The following RAB3GAP1 variants were observed in gnomAD, a reference collection of about 807,000 sequenced individuals.
The protein encoded by RAB3GAP1 is rab3 GTPase-activating protein catalytic subunit.
A neutral mutation model predicts 130.7 loss-of-function variants in RAB3GAP1; 86 were observed. The ratio of observed to expected loss-of-function variants is 0.66; its 90% confidence interval spans 0.55 to 0.79. The LOEUF (loss-of-function observed/expected upper bound fraction) is 0.79, where lower values mean the gene tolerates loss of function less well. RAB3GAP1 is among the 30% of genes least tolerant of loss of function. RAB3GAP1 has a pLI of 0.00. For synonymous variants in RAB3GAP1, 367 were observed against 401.7 expected, an observed-to-expected ratio of 0.91 and a Z score of 1.03; for missense variants, 1,029 against 1,169.4, an observed-to-expected ratio of 0.88 and a Z score of 1.75.
chr2:135,174,329 C>T (rs531713618), downstream of RAB3GAP1, among the ~76,000 whole-genome samples: 5 of 152,290 alleles, frequency 3.3e-5, no homozygotes, highest in Admixed American at 2.0e-4. Flanking sequence ...ATGACAGGAG[C>T]GCTGTGTGAC....
chr2:135,165,035 GAATGGAGTTC>G (rs1692594280), intron 23 of RAB3GAP1: 1 of 418,984 alleles, frequency 2.4e-6, no homozygotes, highest in Non-Finnish European at 4.7e-6. Context: ...TTTCAAATGA[GAATGGAGTTC>G]AGTTTTACCA....
In RAB3GAP1 at chr2:135,057,624, G is replaced by A. The variant is rs188421569; in HGVS notation, c.75-387G>A. Among the ~76,000 whole-genome samples, 537 of 152,226 alleles carry A rather than the reference G, an allele frequency of 3.5e-3. 2 individuals are homozygous for A. Among genetic ancestry groups the A allele is most frequent in the Non-Finnish European group, 4.1e-3 (279 of 68,006 alleles). ...CAACCTCAGGGTTAGGAATTCAAAG[G>A]GCTGGAATTACAGGCATGAGCCACT... On this transcript the variant is annotated intron_variant, in intron 2 of 23. Coordinates refer to ENST00000264158, the MANE Select transcript of RAB3GAP1 (RefSeq NM_012233.3).
At chr2:135,079,121 A>C (rs906933205) in intron 3 of RAB3GAP1, among the ~76,000 whole-genome samples, 1 of 152,014 alleles carries the variant, frequency 6.6e-6, no homozygotes, top group African/African-American at 2.4e-5. Flanking sequence ...TGCCTGCCTC[A>C]GCCTCCCACA....
At chr2:135,093,383 T>C (rs1457666007) in intron 4 of RAB3GAP1, among the ~76,000 whole-genome samples, 1 of 152,034 alleles carries the variant, frequency 6.6e-6, no homozygotes, top group Non-Finnish European at 1.5e-5. Context: ...AGCAAAAAAA[T>C]ATTTTAAACA....
rs1692795019 is a variant in RAB3GAP1, at chr2:135,169,844, G to A, written c.*1063G>A. ...GTGTCTGTGTGGCTAGATGGCCTCT[G>A]CTTGGTAATCTTATTTTTAGGCCTA... On this transcript the variant is annotated 3_prime_UTR_variant, in exon 24 of 24. Coordinates refer to ENST00000264158, the MANE Select transcript of RAB3GAP1 (RefSeq NM_012233.3). 4.7e-6 allele frequency: 2 copies of A among 421,416 alleles called. No homozygotes were observed. Among genetic ancestry groups the A allele is most frequent in the South Asian group, 3.4e-5 (2 of 58,558 alleles). 26.1% of individuals were successfully genotyped at this position (421,416 alleles called of 1,614,324 possible).
chr2:135,128,124 T>G (rs1026198012), intron 11 of RAB3GAP1, among the ~76,000 whole-genome samples: 1 of 152,244 alleles, frequency 6.6e-6, no homozygotes. Context: ...CATATGCTAT[T>G]TGTCAAATGC....
chr2:135,067,775 A>G (rs548485500), intron 3 of RAB3GAP1, among the ~76,000 whole-genome samples: 2 of 152,342 alleles, frequency 1.3e-5, no homozygotes, highest in South Asian at 4.1e-4. Flanking sequence ...TACCCACGCT[A>G]GAGTGCGGTG....
chr2:135,055,928 C>G (rs1688995774), intron 2 of RAB3GAP1, among the ~76,000 whole-genome samples: 2 of 151,888 alleles, frequency 1.3e-5, no homozygotes, highest in South Asian at 2.1e-4. Context: ...GCTCTGCCTC[C>G]CAGGTTTACG....
chr2:135,168,636 C>G lies in RAB3GAP1; in HGVS notation c.2801C>G (p.Pro934Arg), dbSNP rs760417273. ...RQNSVSDFPP[P>R]AGREFILRTT... Reference sequence around the variant, plus strand: ...AACTCCGTGTCAGACTTCCCACCCCCTGCTGGCCGGGAATTCATTTTGCGC... The same window carrying G: ...AACTCCGTGTCAGACTTCCCACCCCGTGCTGGCCGGGAATTCATTTTGCGC... The change falls in exon 24 of 24, where the codon CCT (proline) becomes CGT (arginine). Residue 934 changes from proline to arginine, a missense_variant. Pro to Arg is a moderately radical substitution (Grantham distance 103). Transcript: ENST00000264158. 4 of 1,614,102 alleles carry G rather than the reference C, an allele frequency of 2.5e-6. No individual in the cohort carries two copies. The highest frequency in any genetic ancestry group is 2.2e-5 in the South Asian group (2 of 91,086).
At chr2:135,115,608 G>A (rs533024303) in intron 7 of RAB3GAP1, among the ~76,000 whole-genome samples, 1 of 152,280 alleles carries the variant, frequency 6.6e-6, no homozygotes, top group African/African-American at 2.4e-5. Flanking sequence ...TTGTCTGTTT[G>A]TTTGTTCAGT....
intron 3 of RAB3GAP1, among the ~76,000 whole-genome samples, chr2:135,079,579 A>G (rs372256694): frequency 6.6e-6 from 1 of 151,928 alleles, no homozygotes; most frequent in African/African-American, 2.4e-5. Context: ...TGTTTCCTGA[A>G]TTTGCTGTTC....
intron 7 of RAB3GAP1, among the ~76,000 whole-genome samples, chr2:135,116,229 T>C (rs1690968719): frequency 6.6e-6 from 1 of 152,170 alleles, no homozygotes; most frequent in Non-Finnish European, 1.5e-5. Context: ...GCTTTAGCAC[T>C]TAAATATTAA....
intron 19 of RAB3GAP1, among the ~76,000 whole-genome samples, chr2:135,157,353 G>T (rs1484725796): frequency 6.6e-6 from 1 of 152,102 alleles, no homozygotes; most frequent in Non-Finnish European, 1.5e-5. Context: ...AACAAGAATG[G>T]AAAGAGGAAA....
At position 135,168,918 on chromosome 2, in the gene RAB3GAP1, G is replaced by A; in HGVS notation, c.*137G>A. ...GTGATCAGGAATCAAACCAGCATCG[G>A]AAAGACTTCCCAGCACCAAGCTTGA... On this transcript the variant is annotated 3_prime_UTR_variant, in exon 24 of 24. Transcript: ENST00000264158. 2 of 770,280 alleles carry A rather than the reference G, an allele frequency of 2.6e-6. No individual in the cohort carries two copies. The highest frequency in any genetic ancestry group is 4.5e-6 in the Non-Finnish European group (2 of 440,218). The allele number at this position is 770,280 out of a possible 1,614,324, so 47.7% of individuals were successfully genotyped here.
At position 135,120,845 on chromosome 2, in the gene RAB3GAP1, A is replaced by G. The variant is rs758711528; in HGVS notation, c.675A>G (p.Pro225=). The G allele has an allele frequency of 1.7e-5, 27 of 1,612,666 alleles. No individual in the cohort carries two copies. In the East Asian group the frequency reaches 2.2e-4, roughly 13 times the overall value. ...GATGTCCTTTAACTCCATTGCCTCC[A>G]GTTAGTATTGCTATTCGATTTACCT... ...KIGCPLTPLP[P]VSIAIRFTYV... Residue 225 remains proline, a synonymous_variant, in exon 8 of 24, where the codon CCA becomes CCG. Coordinates refer to ENST00000264158, the MANE Select transcript of RAB3GAP1 (RefSeq NM_012233.3).
At chr2:135,126,511 G>T in intron 10 of RAB3GAP1, 72 bp from the exon 11 acceptor site, 1 of 1,362,762 alleles carries the variant, frequency 7.3e-7, no homozygotes, top group South Asian at 1.2e-5. Context: ...TCATTAGACT[G>T]CATTTTAATA....
chr2:135,080,471 G>GTC (rs779587355), intron 3 of RAB3GAP1, among the ~76,000 whole-genome samples: 2 of 152,162 alleles, frequency 1.3e-5, no homozygotes, highest in Non-Finnish European at 2.9e-5. Context: ...TCAGAAAGGA[G>GTC]TATAGATTTT....
At chr2:135,082,319 G>A (rs1465751938) in intron 3 of RAB3GAP1, among the ~76,000 whole-genome samples, 3 of 151,788 alleles carry the variant, frequency 2.0e-5, no homozygotes, top group Non-Finnish European at 2.9e-5. Context: ...AAAGAAACTC[G>A]ATACTTGTTA....
Position 135,135,566 on chromosome 2 carries a change from GT to G in RAB3GAP1, c.1559del (p.Leu520Ter). On this transcript the variant is annotated frameshift_variant, in exon 17 of 24. Coordinates refer to ENST00000264158, the MANE Select transcript of RAB3GAP1 (RefSeq NM_012233.3). LOFTEE classifies it high-confidence loss of function. Reference sequence around the variant, plus strand: ...AATGTTATTTCTCTTTTCTTAAGATGTTAAATTGTTGTATTGAAAGAAAGAA... The same window carrying G: ...AATGTTATTTCTCTTTTCTTAAGATGTAAATTGTTGTATTGAAAGAAAGAA... ...CCLLHQKLQMLNCCIERKKAR... is the reference protein window; with the variant it reads ...CCLLHQKLQMXNCCIERKKAR... 2 of 1,597,098 alleles carry G rather than the reference GT, an allele frequency of 1.3e-6. No individual in the cohort carries two copies. Among genetic ancestry groups the G allele is most frequent in the Non-Finnish European group, 1.7e-6 (2 of 1,169,082 alleles).
Sources: gnomAD v4.1 joint callset for allele counts (sites outside exome capture counted in the v4.1 genomes callset) on GRCh38, gnomAD v4.1.1 for gene constraint, MANE v1.5 for transcripts, NCBI Gene and HGNC (gene_info 2026-07-23, HGNC 2026-07-21) for gene names.